ADGRL3: variants seen among roughly 807,000 people sequenced by gnomAD.
ADGRL3 encodes calcium-independent alpha-latrotoxin receptor 3.
A neutral mutation model predicts 153.5 loss-of-function variants in ADGRL3; 62 were observed. That is an observed-to-expected ratio of 0.40 (90% CI 0.33 to 0.50). The LOEUF is 0.50. ADGRL3 is among the 20% of genes least tolerant of loss of function. The pLI, the probability that ADGRL3 is intolerant of heterozygous loss-of-function variation, is 0.47. For missense variants in ADGRL3, 1,641 were observed against 1,859.4 expected, an observed-to-expected ratio of 0.88 and a Z score of 2.16; for synonymous variants, 710 against 672.5, an observed-to-expected ratio of 1.06 and a Z score of -0.86.
At position 61,493,426 on chromosome 4, in the gene ADGRL3, A is replaced by G. The variant is rs368611158; in HGVS notation, c.-173-3695A>G. 2.4e-4 allele frequency among the ~76,000 whole-genome samples: 36 copies of G among 152,346 alleles called. 1 individual carries two copies. The highest frequency in any genetic ancestry group is 2.3e-3 in the East Asian group (12 of 5,188). ...TTAGAAGAAATCATTGTTAATAACT[A>G]ATAGAAATGTACTTCCTTATTCTTT... On this transcript the variant is annotated intron_variant, in intron 2 of 26. Transcript: ENST00000683033.
intron 9 of ADGRL3, among the ~76,000 whole-genome samples, chr4:61,890,919 T>G (rs930858238): frequency 6.6e-6 from 1 of 152,182 alleles, no homozygotes; most frequent in Non-Finnish European, 1.5e-5. Flanking sequence ...AGGTAATGTT[T>G]TCTTTTTAAA....
rs1420107193 is a variant in ADGRL3, at chr4:61,667,703, T to A, written c.474-9123T>A. Among the ~76,000 whole-genome samples the A allele has an allele frequency of 2.0e-5, 3 of 152,230 alleles. No individual in the cohort carries two copies. The East Asian group carries it at 5.8e-4, about 29-fold the overall frequency. On this transcript the variant is annotated intron_variant, in intron 5 of 26. Transcript: ENST00000683033. ...AATGTAGCTCAATTTCTGTCATCTA[T>A]AGCAATATGCTTTGTATGCTGAGAA...
chr4:61,821,329 T>TTTTATTTA (rs34109310), intron 9 of ADGRL3, among the ~76,000 whole-genome samples: 2 of 149,844 alleles, frequency 1.3e-5, no homozygotes, highest in African/African-American at 4.9e-5. Flanking sequence ...GTGAACTACT[T>TTTTATTTA]TTTATTTATT....
At chr4:61,527,797 A>G (rs2098578863) in intron 4 of ADGRL3, among the ~76,000 whole-genome samples, 1 of 152,194 alleles carries the variant, frequency 6.6e-6, no homozygotes. Context: ...ATAGAGCAAT[A>G]TAGCGAGGAG....
intron 9 of ADGRL3, among the ~76,000 whole-genome samples, chr4:61,826,850 G>C (rs9884313): frequency 0.39 from 59,299 of 151,632 alleles, 12,469 homozygotes; most frequent in East Asian, 0.62. Flanking sequence ...ACACCAACAT[G>C]GCACATGTAT....
At chr4:61,827,888 A>G (rs1288285803) in intron 9 of ADGRL3, among the ~76,000 whole-genome samples, 3 of 126,736 alleles carry the variant, frequency 2.4e-5, no homozygotes, top group African/African-American at 1.0e-4. Flanking sequence ...GGTTCCTTTC[A>G]GTCTATAAAA....
At chr4:61,541,617 TAGAAATAGGAGCTCTATTC>T (rs1431441369) in intron 4 of ADGRL3, among the ~76,000 whole-genome samples, 1 of 152,052 alleles carries the variant, frequency 6.6e-6, no homozygotes, top group Non-Finnish European at 1.5e-5. Flanking sequence ...AGCCAGAAGG[TAGAAATAGGAGCTCTATTC>T]AGCTTGGTTA....
intron 8 of ADGRL3, among the ~76,000 whole-genome samples, chr4:61,808,062 T>G (rs1399074727): frequency 6.6e-6 from 1 of 152,152 alleles, no homozygotes; most frequent in East Asian, 1.9e-4. Context: ...TATGACATGC[T>G]CTTCCCTCAG....
At chr4:61,434,678 G>A (rs1303621583) in intron 2 of ADGRL3, among the ~76,000 whole-genome samples, 1 of 151,994 alleles carries the variant, frequency 6.6e-6, no homozygotes, top group Non-Finnish European at 1.5e-5. Context: ...ATCAAGCACA[G>A]TTCTTTGTAC....
At chr4:61,932,196 T>C (rs986428597) in intron 13 of ADGRL3, among the ~76,000 whole-genome samples, 1 of 152,106 alleles carries the variant, frequency 6.6e-6, no homozygotes, top group Admixed American at 6.6e-5. Flanking sequence ...ACCTAATTGC[T>C]CTGGCTAAGG....
intron 17 of ADGRL3, among the ~76,000 whole-genome samples, chr4:61,953,106 A>T (rs1461575458): frequency 1.3e-5 from 2 of 152,214 alleles, no homozygotes; most frequent in South Asian, 4.1e-4. Context: ...TAGAGTTTCA[A>T]AAAGAAACAC....
chr4:61,219,564 G>C (rs750629545), intron 1 of ADGRL3, among the ~76,000 whole-genome samples: 5 of 152,180 alleles, frequency 3.3e-5, no homozygotes, highest in African/African-American at 4.8e-5. Context: ...CCTGAAAAGA[G>C]AATAGTACAT....
intron 21 of ADGRL3, among the ~76,000 whole-genome samples, chr4:62,019,170 C>G (rs931311230): frequency 6.6e-6 from 1 of 151,950 alleles, no homozygotes; most frequent in Non-Finnish European, 1.5e-5. Context: ...ATTTTTAAAT[C>G]CTTTATATAT....
At chr4:61,707,694 A>C (rs2095878995) in intron 6 of ADGRL3, among the ~76,000 whole-genome samples, 1 of 152,156 alleles carries the variant, frequency 6.6e-6, no homozygotes, top group African/African-American at 2.4e-5. Flanking sequence ...AAGTGTATAG[A>C]GATTAAGCAA....
intron 21 of ADGRL3, among the ~76,000 whole-genome samples, chr4:62,025,751 C>A (rs1416727572): frequency 1.3e-5 from 2 of 152,124 alleles, no homozygotes; most frequent in Non-Finnish European, 1.5e-5. Flanking sequence ...TTAACATCTG[C>A]TAAGAACATA....
chr4:61,890,086 C>T (rs762119083), intron 9 of ADGRL3, among the ~76,000 whole-genome samples: 4 of 152,130 alleles, frequency 2.6e-5, no homozygotes, highest in Non-Finnish European at 2.9e-5. Flanking sequence ...GATTATTTAA[C>T]TAATAATAGG....
intron 1 of ADGRL3, among the ~76,000 whole-genome samples, chr4:61,277,113 A>G (rs2093500148): frequency 1.3e-5 from 2 of 152,164 alleles, no homozygotes; most frequent in South Asian, 2.1e-4. Context: ...TATAAGACCT[A>G]CATAATATTC....
intron 9 of ADGRL3, among the ~76,000 whole-genome samples, chr4:61,836,211 A>G (rs986039163): frequency 5.3e-5 from 8 of 152,196 alleles, no homozygotes; most frequent in Admixed American, 4.6e-4. Flanking sequence ...AATCTCTTTA[A>G]AATTTCTAAA....
In ADGRL3 at chr4:61,394,579, A is replaced by C. The variant is rs1290057008; in HGVS notation, c.-174+11390A>C. ...CATTACAAATTTACACTTAAATATA[A>C]AAAAAAATTACGTATCTTCCCTATC... On this transcript the variant is annotated intron_variant, in intron 2 of 26. Transcript: ENST00000683033. Among the ~76,000 whole-genome samples, 5 of 151,966 alleles carry C rather than the reference A, an allele frequency of 3.3e-5. No homozygotes were observed. In the South Asian group the frequency reaches 6.2e-4, roughly 19 times the overall value.
Sources: allele counts gnomAD v4.1 joint callset (sites outside exome capture counted in the v4.1 genomes callset), GRCh38; gene constraint gnomAD v4.1.1; transcripts MANE v1.5; gene names NCBI Gene and HGNC (gene_info 2026-07-23, HGNC 2026-07-21).